SUPT3H: variants seen among roughly 807,000 people sequenced by gnomAD.
SUPT3H encodes the protein SPT3 homolog, SAGA and STAGA complex component.
A neutral mutation model predicts 44.3 loss-of-function variants in SUPT3H; 44 were observed. The observed-to-expected ratio is 0.99, with a 90% CI of 0.78 to 1.28. The LOEUF (loss-of-function observed/expected upper bound fraction) is 1.28. SUPT3H is among the 50% of genes most tolerant of loss of function. The pLI is 0.00. For missense variants in SUPT3H, 380 were observed against 387.1 expected (o/e 0.98, Z 0.15); for synonymous variants, 124 against 125.6 (o/e 0.99, Z 0.09).
intron 2 of SUPT3H, among the ~76,000 whole-genome samples, chr6:45,173,011 G>C (rs1186563611): frequency 6.6e-6 from 1 of 152,138 alleles, no homozygotes; most frequent in Non-Finnish European, 1.5e-5. Flanking sequence ...TTCCATATGT[G>C]ATGAAATAAA....
At chr6:45,156,357 T>C (rs1210584972) in intron 2 of SUPT3H, among the ~76,000 whole-genome samples, 1 of 152,132 alleles carries the variant, frequency 6.6e-6, no homozygotes, top group Non-Finnish European at 1.5e-5. Context: ...TTGTATAGTG[T>C]TTTTTAACTA....
intron 10 of SUPT3H, among the ~76,000 whole-genome samples, chr6:44,924,313 A>G (rs1769194667): frequency 6.6e-6 from 1 of 152,126 alleles, no homozygotes; most frequent in Non-Finnish European, 1.5e-5. Flanking sequence ...TTAAAAATAT[A>G]CAAAAATAAA....
At chr6:45,115,025 T>C (rs1005986433) in intron 2 of SUPT3H, among the ~76,000 whole-genome samples, 2 of 152,300 alleles carry the variant, frequency 1.3e-5, no homozygotes, top group South Asian at 2.1e-4. Flanking sequence ...TATCTTAGAT[T>C]GACTGAAATT....
At position 45,268,532 on chromosome 6, in the gene SUPT3H, T is replaced by C. The variant is rs185602356; in HGVS notation, c.101+96669A>G. Among the ~76,000 whole-genome samples the C allele has an allele frequency of 3.3e-5, 5 of 152,336 alleles. No homozygotes were observed. In the East Asian group the frequency reaches 5.8e-4, roughly 18 times the overall value. On this transcript the variant is annotated intron_variant, in intron 2 of 10. Transcript: ENST00000371459. ...CCAAAACATAATCAGGACATTCTTATATACATCAACTGACATGAATTTTTA... is the reference window on the plus strand; with the variant it reads ...CCAAAACATAATCAGGACATTCTTACATACATCAACTGACATGAATTTTTA...
chr6:45,036,448 G>A (rs12528762), intron 3 of SUPT3H, among the ~76,000 whole-genome samples: 18,061 of 152,038 alleles, frequency 0.12, 1,411 homozygotes, highest in East Asian at 0.27. Context: ...GACATGTCAT[G>A]TAAAAGATTC....
chr6:44,982,902 T>C (rs1779300878), intron 6 of SUPT3H, among the ~76,000 whole-genome samples: 1 of 152,206 alleles, frequency 6.6e-6, no homozygotes, highest in African/African-American at 2.4e-5. Context: ...GCTCGTATAG[T>C]GAATTAGGTC....
chr6:44,881,132 T>C (rs1778153089), intron 10 of SUPT3H, among the ~76,000 whole-genome samples: 2 of 152,104 alleles, frequency 1.3e-5, no homozygotes, highest in Admixed American at 1.3e-4. Flanking sequence ...TGGTGTGGTG[T>C]ATTCAGGAGA....
chr6:45,133,641 G>A (rs1282825264), intron 2 of SUPT3H, among the ~76,000 whole-genome samples: 1 of 152,162 alleles, frequency 6.6e-6, no homozygotes, highest in African/African-American at 2.4e-5. Context: ...TGGAACTACT[G>A]AATTTTGGGT....
chr6:45,278,654 T>G (rs1213155650), intron 2 of SUPT3H, among the ~76,000 whole-genome samples: 2 of 152,228 alleles, frequency 1.3e-5, no homozygotes, highest in Non-Finnish European at 2.9e-5. Flanking sequence ...AAATGTTGAT[T>G]TCATTTTAAA....
intron 2 of SUPT3H, among the ~76,000 whole-genome samples, chr6:45,116,651 G>A (rs1207829260): frequency 6.6e-6 from 1 of 152,144 alleles, no homozygotes; most frequent in African/African-American, 2.4e-5. Flanking sequence ...TCAAAAGTAT[G>A]AAGAAAGCTT....
Position 45,180,381 on chromosome 6 carries a change from T to A in SUPT3H, c.102-74375A>T, listed in dbSNP as rs1467482542. The stretch of plus-strand genomic sequence containing the variant: ...GGAAAAAACTACTTTAAAGTTCATA[T>A]GGAACCAAAAAAGAGCCCACATCGC... On this transcript the variant is annotated intron_variant, in intron 2 of 10. Coordinates refer to ENST00000371459, the MANE Select transcript of SUPT3H (RefSeq NM_003599.4). 8.6e-5 allele frequency among the ~76,000 whole-genome samples: 13 copies of A among 150,502 alleles called. No individual in the cohort carries two copies. The East Asian group carries it at 2.5e-3, about 29-fold the overall frequency.
intron 10 of SUPT3H, among the ~76,000 whole-genome samples, chr6:44,845,737 G>A (rs1266675659): frequency 6.6e-6 from 1 of 152,186 alleles, no homozygotes; most frequent in Middle Eastern, 3.2e-3. Flanking sequence ...AGGGGAGCTC[G>A]CTGGCATGAG....
intron 10 of SUPT3H, among the ~76,000 whole-genome samples, chr6:44,867,506 C>G (rs968919080): frequency 6.6e-6 from 1 of 152,134 alleles, no homozygotes; most frequent in African/African-American, 2.4e-5. Flanking sequence ...GATTGATTCG[C>G]TAACATCTAA....
At position 45,020,186 on chromosome 6, in the gene SUPT3H, G is replaced by C. The variant is rs146678130; in HGVS notation, c.273+360C>G. 9.0e-3 allele frequency among the ~76,000 whole-genome samples: 1,369 copies of C among 152,002 alleles called. 14 individuals are homozygous for C. Among genetic ancestry groups the C allele is most frequent in the South Asian group, 0.028 (135 of 4,820 alleles). On this transcript the variant is annotated intron_variant, in intron 4 of 10. Coordinates refer to ENST00000371459, the MANE Select transcript of SUPT3H (RefSeq NM_003599.4). The stretch of plus-strand genomic sequence containing the variant: ...TATGAAAGTCTATAATCCTGGTAAT[G>C]TTAATCTGTAAGAAGAGGAGAAAAA...
chr6:45,078,116 G>T (rs1795265774), intron 3 of SUPT3H, among the ~76,000 whole-genome samples: 1 of 152,084 alleles, frequency 6.6e-6, no homozygotes, highest in Non-Finnish European at 1.5e-5. Context: ...CAAGTGATCT[G>T]CCCGCCTTGG....
intron 10 of SUPT3H, among the ~76,000 whole-genome samples, chr6:44,889,817 G>A (rs1259547731): frequency 6.6e-6 from 1 of 152,078 alleles, no homozygotes; most frequent in South Asian, 2.1e-4. Flanking sequence ...CCATCAGAGT[G>A]AACAGGCAAC....
intron 2 of SUPT3H, among the ~76,000 whole-genome samples, chr6:45,139,208 T>C (rs72869175): frequency 0.024 from 3,706 of 152,306 alleles, 59 homozygotes; most frequent in African/African-American, 0.037. Context: ...AGGTAAATGA[T>C]ACTTAAAAAT....
intron 10 of SUPT3H, among the ~76,000 whole-genome samples, chr6:44,865,651 G>A (rs1362011031): frequency 6.6e-6 from 1 of 152,120 alleles, no homozygotes; most frequent in Non-Finnish European, 1.5e-5. Context: ...AGAACAGTAT[G>A]GGAGAAACCA....
intron 10 of SUPT3H, among the ~76,000 whole-genome samples, chr6:44,841,968 A>G (rs1443846500): frequency 1.3e-5 from 2 of 152,220 alleles, no homozygotes; most frequent in African/African-American, 2.4e-5. Context: ...ACACACAATG[A>G]CAGTGGTAAG....
Sources: gnomAD v4.1 joint callset for allele counts (sites outside exome capture counted in the v4.1 genomes callset) on GRCh38, gnomAD v4.1.1 for gene constraint, MANE v1.5 for transcripts, NCBI Gene and HGNC (gene_info 2026-07-23, HGNC 2026-07-21) for gene names.